The following IQCM variants were observed in gnomAD, a reference collection of about 807,000 sequenced individuals.
IQCM encodes the protein IQ motif containing M.
IQCM carries 45 observed loss-of-function variants against 57.6 expected under a neutral mutation model. The observed-to-expected ratio is 0.78, with a 90% CI of 0.62 to 1.00. IQCM has a LOEUF of 1.00. Ranked by LOEUF, IQCM falls within the 50% of genes least tolerant of loss-of-function variation. IQCM has a pLI of 0.00. For synonymous variants in IQCM, 148 were observed against 158.9 expected, an observed-to-expected ratio of 0.93 and a Z score of 0.51; for missense variants, 468 against 511.6, an observed-to-expected ratio of 0.91 and a Z score of 0.82.
intron 2 of IQCM, chr4:149,793,759 TAA>T (rs1178599761): frequency 1.3e-5 from 2 of 152,164 alleles, no homozygotes; most frequent in Non-Finnish European, 2.9e-5. Context: ...ATAAGATACT[TAA>T]GACTGATTTT....
At chr4:149,777,381 A>G (rs940913541) in intron 2 of IQCM, among the ~76,000 whole-genome samples, 2 of 152,226 alleles carry the variant, frequency 1.3e-5, no homozygotes, top group Non-Finnish European at 2.9e-5. Flanking sequence ...CGTCTGGTTC[A>G]TAACTGGCTT....
At chr4:149,734,598 A>G (rs955459236) in intron 4 of IQCM, among the ~76,000 whole-genome samples, 1 of 152,154 alleles carries the variant, frequency 6.6e-6, no homozygotes, top group Non-Finnish European at 1.5e-5. Context: ...ATTTTGTTTA[A>G]AAAAATTTTT....
intron 9 of IQCM, among the ~76,000 whole-genome samples, chr4:149,572,651 A>G (rs1751272627): frequency 6.6e-6 from 1 of 152,064 alleles, no homozygotes. Context: ...TGTGAGAACC[A>G]CACAACCAGA....
At chr4:149,510,971 T>C (rs1045560363) in intron 12 of IQCM, among the ~76,000 whole-genome samples, 1 of 152,218 alleles carries the variant, frequency 6.6e-6, no homozygotes, top group African/African-American at 2.4e-5. Flanking sequence ...ATACTTTTTT[T>C]ATAATCAAAT....
intron 12 of IQCM, among the ~76,000 whole-genome samples, chr4:149,530,772 C>A (rs1746648747): frequency 6.8e-6 from 1 of 148,026 alleles, no homozygotes. Flanking sequence ...CCTACACCTG[C>A]ATACTCAGAC....
intron 13 of IQCM, among the ~76,000 whole-genome samples, chr4:149,368,854 ATGTATATATATACATATATACACG>A (rs1730079728): frequency 2.2e-5 from 1 of 44,530 alleles, no homozygotes; most frequent in Non-Finnish European, 4.6e-5. Context: ...ATATATATAC[ATGTATATATATACATATATACACG>A]TGTATATATA....
chr4:149,462,926 T>C (rs964769807), intron 12 of IQCM, among the ~76,000 whole-genome samples: 1 of 152,138 alleles, frequency 6.6e-6, no homozygotes, highest in African/African-American at 2.4e-5. Flanking sequence ...TGGGAGAAAA[T>C]GGATTTGTAG....
chr4:149,660,734 A>G lies in IQCM; in HGVS notation c.565+21384T>C, dbSNP rs1472613680. ...ATTCTCAGTAAACTATCGCAAGGAC[A>G]AAAAACCAAACACCGCATGTTCTCA... On this transcript the variant is annotated intron_variant, in intron 7 of 13. Coordinates refer to ENST00000636793, the MANE Select transcript of IQCM (RefSeq NM_001363507.2). 3.3e-5 allele frequency among the ~76,000 whole-genome samples: 5 copies of G among 152,244 alleles called. No individual in the cohort carries two copies. In the East Asian group the frequency reaches 9.7e-4, roughly 30 times the overall value.
chr4:149,585,324 T>C (rs2149994995), intron 9 of IQCM, among the ~76,000 whole-genome samples: 1 of 151,814 alleles, frequency 6.6e-6, no homozygotes, highest in Non-Finnish European at 1.5e-5. Context: ...AATTCCTCTG[T>C]AACAAGAAAA....
At chr4:149,636,459 A>G (rs1335879941) in intron 7 of IQCM, among the ~76,000 whole-genome samples, 3 of 152,124 alleles carry the variant, frequency 2.0e-5, no homozygotes, top group Admixed American at 1.3e-4. Flanking sequence ...GACCTCCTCC[A>G]TGATAGACGT....
intron 13 of IQCM, among the ~76,000 whole-genome samples, chr4:149,426,493 C>A (rs1375077909): frequency 1.3e-5 from 2 of 151,916 alleles, no homozygotes; most frequent in Admixed American, 6.6e-5. Flanking sequence ...TATCTCACAC[C>A]ATTTCTGAGA....
intron 3 of IQCM, among the ~76,000 whole-genome samples, chr4:149,741,381 G>A (rs1263269622): frequency 1.3e-5 from 2 of 152,158 alleles, no homozygotes; most frequent in Non-Finnish European, 2.9e-5. Context: ...TTCTCAGACA[G>A]TGGTCAGGTT....
intron 10 of IQCM, among the ~76,000 whole-genome samples, chr4:149,558,240 G>C (rs1242476581): frequency 1.3e-5 from 2 of 152,076 alleles, no homozygotes; most frequent in African/African-American, 2.4e-5. Flanking sequence ...GCTCCAGTTA[G>C]AATCAGTAAC....
At chr4:149,481,701 G>GTTTTGTTTTTTTTTTT (rs1740817619) in intron 12 of IQCM, among the ~76,000 whole-genome samples, 2 of 51,552 alleles carry the variant, frequency 3.9e-5, no homozygotes, top group African/African-American at 1.5e-4. Context: ...TTCCAGTTTT[G>GTTTTGTTTTTTTTTTT]TTTTTTTTTT....
At chr4:149,751,013 AT>A (rs760233547) in intron 2 of IQCM, among the ~76,000 whole-genome samples, 2 of 152,182 alleles carry the variant, frequency 1.3e-5, no homozygotes, top group Non-Finnish European at 2.9e-5. Flanking sequence ...AAACTAGCTA[AT>A]ATTTACAAGG....
At chr4:149,380,434 C>G (rs1023131713) in intron 13 of IQCM, among the ~76,000 whole-genome samples, 1 of 151,494 alleles carries the variant, frequency 6.6e-6, no homozygotes, top group Non-Finnish European at 1.5e-5. Context: ...ATCAAGGAAA[C>G]AAATCTAATT....
intron 12 of IQCM, among the ~76,000 whole-genome samples, chr4:149,541,500 C>A (rs1460199004): frequency 1.3e-5 from 2 of 151,968 alleles, no homozygotes; most frequent in Admixed American, 6.6e-5. Context: ...TTTCTAAAGA[C>A]TAGACAGAAG....
At chr4:149,464,336 C>T (rs1057359800) in intron 12 of IQCM, among the ~76,000 whole-genome samples, 1 of 152,120 alleles carries the variant, frequency 6.6e-6, no homozygotes, top group Non-Finnish European at 1.5e-5. Flanking sequence ...TAAATTCACT[C>T]CAAATCCAGG....
intron 2 of IQCM, among the ~76,000 whole-genome samples, chr4:149,793,507 A>G (rs1433600932): frequency 6.6e-6 from 1 of 152,144 alleles, no homozygotes; most frequent in African/African-American, 2.4e-5. Flanking sequence ...TTTAAGCACA[A>G]TTCATTTTAA....
Sources: gnomAD v4.1 joint callset for allele counts (sites outside exome capture counted in the v4.1 genomes callset) on GRCh38, gnomAD v4.1.1 for gene constraint, MANE v1.5 for transcripts, NCBI Gene and HGNC (gene_info 2026-07-23, HGNC 2026-07-21) for gene names.